Variants in GDA observed in about 807,000 individuals in gnomAD.
GDA encodes cytoplasmic PSD-95 interactor.
In GDA, 18 loss-of-function variants were observed where a neutral mutation model predicts 59.6. That is an observed-to-expected ratio of 0.30 (90% CI 0.21 to 0.45). The LOEUF is 0.45. GDA is among the 20% of genes least tolerant of loss of function. The probability of loss-of-function intolerance (pLI) is 1.00; values close to 1 mark genes in which losing one functional copy is unlikely to be tolerated. For synonymous variants in GDA, 201 were observed against 201.1 expected (o/e 1.00, Z 0.00); for missense variants, 427 against 552.3 (o/e 0.77, Z 2.27).
At position 72,248,560 on chromosome 9, in the gene GDA, T is replaced by C; in HGVS notation, c.*218T>C. 7.3e-7 allele frequency: 1 copy of C among 1,368,260 alleles called. No individual in the cohort carries two copies. Among genetic ancestry groups the C allele is most frequent in the South Asian group, 1.7e-5 (1 of 59,712 alleles). 84.8% of individuals were successfully genotyped at this position (1,368,260 alleles called of 1,614,324 possible). ...GGTTCATAAATTTCATGAAAATATCTCCCTTTGGAGCTGCTCAGACTTACT... is the reference window on the plus strand; with the variant it reads ...GGTTCATAAATTTCATGAAAATATCCCCCTTTGGAGCTGCTCAGACTTACT... On this transcript the variant is annotated 3_prime_UTR_variant, in exon 14 of 14. Transcript: ENST00000358399.
chr9:72,227,878 G>A, intron 8 of GDA, 65 bp from the exon 9 acceptor site: 2 of 830,534 alleles, frequency 2.4e-6, no homozygotes, highest in Non-Finnish European at 4.1e-6. Context: ...AAAATACCTT[G>A]TGAGTGAGTA....
chr9:72,167,205 A>T (rs1208895414), intron 1 of GDA, among the ~76,000 whole-genome samples: 1 of 152,128 alleles, frequency 6.6e-6, no homozygotes, highest in East Asian at 1.9e-4. Flanking sequence ...TTGCATCCAG[A>T]CAATGAAATG....
intron 7 of GDA, among the ~76,000 whole-genome samples, 176 bp from the exon 8 acceptor site, chr9:72,225,501 T>C (rs1462825517): frequency 6.6e-6 from 1 of 152,214 alleles, no homozygotes; most frequent in Non-Finnish European, 1.5e-5. Flanking sequence ...ATACATTATA[T>C]TATCTATGAT....
chr9:72,231,942 A>G (rs780088574), intron 10 of GDA, among the ~76,000 whole-genome samples: 56 of 152,246 alleles, frequency 3.7e-4, no homozygotes, highest in Non-Finnish European at 6.0e-4. Context: ...CTCCATATCC[A>G]CAGGCAGTCT....
intron 1 of GDA, among the ~76,000 whole-genome samples, chr9:72,166,616 A>G (rs942055182): frequency 6.6e-6 from 1 of 152,236 alleles, no homozygotes; most frequent in Non-Finnish European, 1.5e-5. Flanking sequence ...TATGCATGTA[A>G]CAAATATCAC....
At chr9:72,232,418 A>G (rs1375090741) in intron 10 of GDA, among the ~76,000 whole-genome samples, 2 of 152,204 alleles carry the variant, frequency 1.3e-5, no homozygotes, top group African/African-American at 4.8e-5. Context: ...TATGGGAATC[A>G]AAGTAATCAA....
At chr9:72,252,549 G>A (rs1229522669), downstream of GDA, among the ~76,000 whole-genome samples, 1 of 152,150 alleles carries the variant, frequency 6.6e-6, no homozygotes, top group Non-Finnish European at 1.5e-5. Context: ...ACAGACATAT[G>A]TGCATGTGTA....
At position 72,249,594 on chromosome 9, in the gene GDA, G is replaced by A. The variant is rs1840490311; in HGVS notation, c.*1252G>A. Reference sequence around the variant, plus strand: ...ATTACAAAGCAAAGACTATTTTTATGCTTCCATAACCTAGAATTAAAACCA... The same window carrying A: ...ATTACAAAGCAAAGACTATTTTTATACTTCCATAACCTAGAATTAAAACCA... On this transcript the variant is annotated 3_prime_UTR_variant, in exon 14 of 14. Coordinates refer to ENST00000358399, the MANE Select transcript of GDA (RefSeq NM_004293.5). 1.6e-6 allele frequency: 1 copy of A among 643,374 alleles called. No individual in the cohort carries two copies. Among genetic ancestry groups the A allele is most frequent in the Non-Finnish European group, 1.9e-6 (1 of 518,348 alleles). The allele number at this position is 643,374 out of a possible 1,614,324, so 39.9% of individuals were successfully genotyped here.
At chr9:72,230,312 G>A (rs982047599) in intron 9 of GDA, among the ~76,000 whole-genome samples, 21 of 151,928 alleles carry the variant, frequency 1.4e-4, no homozygotes, top group African/African-American at 4.8e-4. Flanking sequence ...GACCAACATG[G>A]CGAAACCCTG....
At chr9:72,143,252 C>G (rs1826507282) in intron 1 of GDA, among the ~76,000 whole-genome samples, 1 of 151,426 alleles carries the variant, frequency 6.6e-6, no homozygotes, top group Admixed American at 6.6e-5. Flanking sequence ...GCCTCAGCCT[C>G]CCGAGTAGCT....
chr9:72,246,045 T>G (rs1256157782), intron 12 of GDA, among the ~76,000 whole-genome samples: 1 of 152,198 alleles, frequency 6.6e-6, no homozygotes, highest in Admixed American at 6.5e-5. Flanking sequence ...CATTTGTTAT[T>G]ATAAAAGAGG....
chr9:72,203,867 A>G (rs554499663), intron 3 of GDA, among the ~76,000 whole-genome samples: 1 of 151,328 alleles, frequency 6.6e-6, no homozygotes, highest in East Asian at 1.9e-4. Flanking sequence ...CCCAAGCTGG[A>G]GTGCAGTGGC....
intron 1 of GDA, among the ~76,000 whole-genome samples, chr9:72,161,777 C>T (rs750061374): frequency 1.3e-5 from 2 of 152,194 alleles, no homozygotes; most frequent in Non-Finnish European, 2.9e-5. Context: ...TCTTGTTATC[C>T]ATCGCCTATC....
At chr9:72,195,999 G>A (rs1467176881) in intron 2 of GDA, among the ~76,000 whole-genome samples, 1 of 152,154 alleles carries the variant, frequency 6.6e-6, no homozygotes, top group African/African-American at 2.4e-5. Context: ...ACAAGGTGGG[G>A]AGGGGTATGA....
chr9:72,219,104 T>C, intron 5 of GDA, among the ~76,000 whole-genome samples: 1 of 152,104 alleles, frequency 6.6e-6, no homozygotes, highest in East Asian at 1.9e-4. Flanking sequence ...CTTTTTAAAA[T>C]GTTTATTTGA....
chr9:72,152,645 T>C (rs1827353241), intron 1 of GDA, among the ~76,000 whole-genome samples: 1 of 152,224 alleles, frequency 6.6e-6, no homozygotes, highest in Non-Finnish European at 1.5e-5. Context: ...TTGTTTGTTT[T>C]TTTCTTGTAA....
chr9:72,154,020 G>C (rs949846584), intron 1 of GDA, among the ~76,000 whole-genome samples: 9 of 152,092 alleles, frequency 5.9e-5, no homozygotes, highest in African/African-American at 1.9e-4. Flanking sequence ...TTAATCTTGA[G>C]GTAATGCATG....
downstream of GDA, among the ~76,000 whole-genome samples, chr9:72,255,161 A>G (rs1319908641): frequency 6.6e-6 from 1 of 152,214 alleles, no homozygotes; most frequent in East Asian, 1.9e-4. Context: ...AGTTGACAAC[A>G]TATGAGTTCT....
chr9:72,255,152 G>A (rs1840855979), downstream of GDA, among the ~76,000 whole-genome samples: 1 of 152,204 alleles, frequency 6.6e-6, no homozygotes, highest in African/African-American at 2.4e-5. Context: ...TGCAGCTAAA[G>A]TTGACAACAT....
Sources: gnomAD v4.1 joint callset for allele counts (sites outside exome capture counted in the v4.1 genomes callset) on GRCh38, gnomAD v4.1.1 for gene constraint, MANE v1.5 for transcripts, NCBI Gene and HGNC (gene_info 2026-07-23, HGNC 2026-07-21) for gene names.